FNDC3B: variants seen among roughly 807,000 people sequenced by gnomAD.
The protein encoded by FNDC3B is fibronectin type III domain containing 3B, also known as fibronectin type III domain-containing protein 3B.
A neutral mutation model predicts 151.5 loss-of-function variants in FNDC3B; 12 were observed. The ratio of observed to expected loss-of-function variants is 0.08; its 90% CI spans 0.05 to 0.13. The LOEUF (loss-of-function observed/expected upper bound fraction) is 0.13. Ranked by LOEUF, FNDC3B falls within the 10% of genes least tolerant of loss-of-function variation. The probability of loss-of-function intolerance (pLI) is 1.00; values close to 1 mark genes in which losing one functional copy is unlikely to be tolerated. For missense variants in FNDC3B, 1,214 were observed against 1,505.3 expected, an observed-to-expected ratio of 0.81 and a Z score of 3.20; for synonymous variants, 528 against 549.0, an observed-to-expected ratio of 0.96 and a Z score of 0.54.
chr3:172,143,725 A>C (rs1021852627), intron 3 of FNDC3B, among the ~76,000 whole-genome samples: 1 of 152,050 alleles, frequency 6.6e-6, no homozygotes, highest in African/African-American at 2.4e-5. Flanking sequence ...CCTGGCCAAC[A>C]TGGTGAAACC....
chr3:172,112,163 G>A (rs779281954), intron 1 of FNDC3B, among the ~76,000 whole-genome samples: 11 of 152,124 alleles, frequency 7.2e-5, no homozygotes, highest in Non-Finnish European at 1.6e-4. Flanking sequence ...TAGAAACAAC[G>A]GAATCTACCT....
At chr3:172,192,391 T>C (rs1724567734) in intron 3 of FNDC3B, among the ~76,000 whole-genome samples, 1 of 152,010 alleles carries the variant, frequency 6.6e-6, no homozygotes, top group South Asian at 2.1e-4. Flanking sequence ...TTCACCGTGT[T>C]AGCCAGGATG....
rs775164198 is a variant in FNDC3B, at chr3:172,337,310, G to A, written c.1781-20G>A. The A allele has an allele frequency of 6.5e-7, 1 of 1,534,040 alleles. No individual in the cohort carries two copies. The highest frequency in any genetic ancestry group is 2.3e-5 in the East Asian group (1 of 44,364). The stretch of plus-strand genomic sequence containing the variant: ...ATCAATATCCTTTTATTGCTAATAA[G>A]ACATTTGGTTATTTTCCAGATCCCC... On this transcript the variant is annotated intron_variant, in intron 15 of 25. Transcript: ENST00000415807.
At chr3:172,206,871 T>A (rs1265957375) in intron 3 of FNDC3B, among the ~76,000 whole-genome samples, 2 of 152,166 alleles carry the variant, frequency 1.3e-5, no homozygotes, top group African/African-American at 2.4e-5. Context: ...GCTATAAAAC[T>A]AAAGTTTATT....
intron 11 of FNDC3B, among the ~76,000 whole-genome samples, chr3:172,323,065 A>T (rs1401901467): frequency 6.7e-6 from 1 of 150,266 alleles, no homozygotes; most frequent in African/African-American, 2.5e-5. Context: ...ATATAAATGT[A>T]TTTAAAATCT....
intron 6 of FNDC3B, among the ~76,000 whole-genome samples, chr3:172,266,972 C>T (rs1728953471): frequency 6.6e-6 from 1 of 152,192 alleles, no homozygotes; most frequent in African/African-American, 2.4e-5. Flanking sequence ...TTGATACACC[C>T]TCACCTTCCA....
intron 3 of FNDC3B, among the ~76,000 whole-genome samples, chr3:172,170,252 A>C (rs1723221112): frequency 6.6e-6 from 1 of 152,176 alleles, no homozygotes; most frequent in Admixed American, 6.5e-5. Context: ...TGTTACTCTC[A>C]GTTGAATATA....
chr3:172,279,246 C>T (rs1196544706), intron 6 of FNDC3B, among the ~76,000 whole-genome samples: 2 of 152,008 alleles, frequency 1.3e-5, no homozygotes, highest in African/African-American at 4.8e-5. Context: ...GGGAAATCAT[C>T]CTGTCCAGTG....
At chr3:172,205,179 C>G (rs1267499982) in intron 3 of FNDC3B, among the ~76,000 whole-genome samples, 1 of 151,910 alleles carries the variant, frequency 6.6e-6, no homozygotes, top group Non-Finnish European at 1.5e-5. Context: ...CCATCCCCCG[C>G]CCAGGCTACA....
At chr3:172,345,065 G>C (rs938542770) in intron 19 of FNDC3B, among the ~76,000 whole-genome samples, 1 of 152,154 alleles carries the variant, frequency 6.6e-6, no homozygotes, top group Admixed American at 6.5e-5. Context: ...AAAAAAATAA[G>C]ACAGCCCAAC....
intron 3 of FNDC3B, among the ~76,000 whole-genome samples, chr3:172,174,204 C>T (rs1723433232): frequency 6.6e-6 from 1 of 152,188 alleles, no homozygotes; most frequent in African/African-American, 2.4e-5. Context: ...GGCATTCAAG[C>T]ATATTTGGGG....
At chr3:172,196,462 A>C (rs1025922414) in intron 3 of FNDC3B, among the ~76,000 whole-genome samples, 1 of 152,082 alleles carries the variant, frequency 6.6e-6, no homozygotes, top group Non-Finnish European at 1.5e-5. Context: ...CTGGGATTAG[A>C]GTCTCCCAGC....
At chr3:172,136,478 G>A (rs1164449031) in intron 3 of FNDC3B, among the ~76,000 whole-genome samples, 1 of 152,162 alleles carries the variant, frequency 6.6e-6, no homozygotes, top group African/African-American at 2.4e-5. Flanking sequence ...TCCAGCTCCA[G>A]CTCCAGCTGT....
chr3:172,318,429 A>T (rs1250991709), intron 11 of FNDC3B, among the ~76,000 whole-genome samples: 2 of 152,216 alleles, frequency 1.3e-5, no homozygotes, highest in Non-Finnish European at 2.9e-5. Context: ...ATAATCAGTA[A>T]GAGATCAATT....
At chr3:172,278,432 G>A (rs1479171846) in intron 6 of FNDC3B, among the ~76,000 whole-genome samples, 4 of 152,156 alleles carry the variant, frequency 2.6e-5, no homozygotes, top group African/African-American at 9.7e-5. Flanking sequence ...GGATAATCAT[G>A]GTCTTGAGCC....
At chr3:172,228,467 G>A (rs1199151905) in intron 4 of FNDC3B, among the ~76,000 whole-genome samples, 1 of 152,210 alleles carries the variant, frequency 6.6e-6, no homozygotes. Context: ...AGAAGCTTCA[G>A]TGTGCTTTTT....
chr3:172,056,602 G>A (rs1576823458), intron 1 of FNDC3B, among the ~76,000 whole-genome samples: 2 of 152,304 alleles, frequency 1.3e-5, no homozygotes, highest in South Asian at 2.1e-4. Flanking sequence ...CACTCTCAGT[G>A]TTTTATGCTC....
At chr3:172,240,604 G>A (rs963878895) in intron 4 of FNDC3B, among the ~76,000 whole-genome samples, 1 of 152,134 alleles carries the variant, frequency 6.6e-6, no homozygotes. Context: ...GTACACACCA[G>A]TATGAAAAAT....
intron 3 of FNDC3B, among the ~76,000 whole-genome samples, chr3:172,168,491 T>G (rs1723117884): frequency 6.6e-6 from 1 of 152,226 alleles, no homozygotes; most frequent in Non-Finnish European, 1.5e-5. Context: ...TTCTATCACA[T>G]GCGAGAACTG....
Sources: allele counts gnomAD v4.1 joint callset (sites outside exome capture counted in the v4.1 genomes callset), GRCh38; gene constraint gnomAD v4.1.1; transcripts MANE v1.5; gene names NCBI Gene and HGNC (gene_info 2026-07-23, HGNC 2026-07-21).